Variants in KIF3B observed in about 807,000 individuals in gnomAD.
KIF3B encodes the protein kinesin family member 3B.
In KIF3B, 38 loss-of-function variants were observed where a neutral mutation model predicts 74.3. The observed-to-expected ratio is 0.51, with a 90% confidence interval of 0.39 to 0.67. The LOEUF (loss-of-function observed/expected upper bound fraction) is 0.67. Among genes scored for constraint, KIF3B ranks in the 30% least tolerant of loss-of-function variants. KIF3B has a pLI of 0.00. For missense variants in KIF3B, 649 were observed against 932.0 expected (o/e 0.70, Z 3.95); for synonymous variants, 326 against 342.5 (o/e 0.95, Z 0.53).
chr20:32,330,100 G>A (rs1195501084), intron 7 of KIF3B, 41 bp from the exon 8 acceptor site: 4 of 1,584,872 alleles, frequency 2.5e-6, no homozygotes, highest in East Asian at 2.3e-5. Context: ...CCTGTGTCCA[G>A]TTGGAGGCTA....
At chr20:32,298,800 A>C (rs1002126711) in intron 1 of KIF3B, among the ~76,000 whole-genome samples, 3 of 151,862 alleles carry the variant, frequency 2.0e-5, no homozygotes, top group East Asian at 1.9e-4. Flanking sequence ...GAGTAGCTGT[A>C]GGTAGTAGGC....
At chr20:32,283,002 T>G (rs1162064986) in intron 1 of KIF3B, among the ~76,000 whole-genome samples, 1 of 152,178 alleles carries the variant, frequency 6.6e-6, no homozygotes, top group East Asian at 1.9e-4. Context: ...ACTAATAGTC[T>G]TATCACTGCC....
intron 1 of KIF3B, among the ~76,000 whole-genome samples, chr20:32,285,604 G>A (rs2047664051): frequency 6.6e-6 from 1 of 152,170 alleles, no homozygotes. Context: ...TCTGCTACTT[G>A]CTGTGTGACT....
chr20:32,328,256 T>C (rs933199116), intron 7 of KIF3B, among the ~76,000 whole-genome samples: 2 of 151,990 alleles, frequency 1.3e-5, no homozygotes, highest in African/African-American at 4.8e-5. Context: ...AAACCCCATC[T>C]CTACTAAAAA....
chr20:32,299,905 C>A (rs897152798), intron 1 of KIF3B, among the ~76,000 whole-genome samples: 5 of 151,888 alleles, frequency 3.3e-5, no homozygotes, highest in Non-Finnish European at 5.9e-5. Context: ...CCTCCTGCCT[C>A]AGCCTCCCAA....
intron 1 of KIF3B, among the ~76,000 whole-genome samples, chr20:32,304,392 G>A (rs894483521): frequency 1.3e-5 from 2 of 152,162 alleles, no homozygotes; most frequent in African/African-American, 2.4e-5. Flanking sequence ...TCATTGTTCT[G>A]CATATTTTTT....
intron 1 of KIF3B, among the ~76,000 whole-genome samples, chr20:32,279,194 A>G (rs1187335658): frequency 6.6e-6 from 1 of 152,050 alleles, no homozygotes; most frequent in Admixed American, 6.6e-5. Flanking sequence ...AAGTGCTAGG[A>G]TTACATGCGT....
chr20:32,326,707 C>T, intron 5 of KIF3B, 64 bp from the exon 6 acceptor site: 1 of 721,290 alleles, frequency 1.4e-6, no homozygotes, highest in Non-Finnish European at 2.4e-6. Context: ...ATGCATGAGA[C>T]CAGATAGCTG....
At chr20:32,288,193 T>C (rs1299143592) in intron 1 of KIF3B, among the ~76,000 whole-genome samples, 1 of 151,808 alleles carries the variant, frequency 6.6e-6, no homozygotes, top group Non-Finnish European at 1.5e-5. Context: ...AAAGTATCTT[T>C]AAAAAACAGA....
At chr20:32,295,134 A>G (rs986564847) in intron 1 of KIF3B, among the ~76,000 whole-genome samples, 4 of 152,174 alleles carry the variant, frequency 2.6e-5, no homozygotes, top group Non-Finnish European at 4.4e-5. Context: ...GAGTATTCAC[A>G]TTTAGAGTTT....
chr20:32,296,564 C>T (rs2047718151), intron 1 of KIF3B, among the ~76,000 whole-genome samples: 1 of 151,868 alleles, frequency 6.6e-6, no homozygotes, highest in South Asian at 2.1e-4. Flanking sequence ...CACCACAGCA[C>T]TCCAGCCTGG....
chr20:32,327,361 AAAT>A (rs1446027401), intron 6 of KIF3B, among the ~76,000 whole-genome samples, 192 bp from the exon 7 acceptor site: 14 of 152,198 alleles, frequency 9.2e-5, no homozygotes, highest in African/African-American at 2.9e-4. Context: ...TGATGATTAA[AAAT>A]CTCTTCTGGC....
chr20:32,309,001 C>T (rs1429645553), intron 1 of KIF3B, among the ~76,000 whole-genome samples: 5 of 151,866 alleles, frequency 3.3e-5, no homozygotes, highest in Non-Finnish European at 5.9e-5. Context: ...AGGCATGAGC[C>T]ACCGCGCCCA....
intron 2 of KIF3B, among the ~76,000 whole-genome samples, chr20:32,313,749 C>T (rs1177541269): frequency 1.3e-5 from 2 of 152,022 alleles, no homozygotes; most frequent in African/African-American, 4.8e-5. Flanking sequence ...ACTCTGTCAC[C>T]CAGGTTGGAG....
chr20:32,281,774 G>A (rs1355671834), intron 1 of KIF3B, among the ~76,000 whole-genome samples: 1 of 152,140 alleles, frequency 6.6e-6, no homozygotes, highest in African/African-American at 2.4e-5. Context: ...CTAGGATGGT[G>A]ACGTTTTTGC....
chr20:32,324,054 A>T (rs2047890833), intron 5 of KIF3B, among the ~76,000 whole-genome samples: 1 of 151,812 alleles, frequency 6.6e-6, no homozygotes, highest in African/African-American at 2.4e-5. Context: ...GGCTGCAGTG[A>T]GCCAAGATTA....
At chr20:32,322,790 T>TTATATA (rs1168388598) in intron 5 of KIF3B, among the ~76,000 whole-genome samples, 1 of 62,528 alleles carries the variant, frequency 1.6e-5, no homozygotes, top group Non-Finnish European at 2.6e-5. Context: ...TTATATATAT[T>TTATATA]TATATATATA....
At chr20:32,283,671 G>A (rs1421708825) in intron 1 of KIF3B, among the ~76,000 whole-genome samples, 1 of 151,962 alleles carries the variant, frequency 6.6e-6, no homozygotes, top group Admixed American at 6.6e-5. Flanking sequence ...TTAGTCGGGT[G>A]TGGTGGTGCA....
chr20:32,299,952 T>A (rs2047735457), intron 1 of KIF3B, among the ~76,000 whole-genome samples: 1 of 151,182 alleles, frequency 6.6e-6, no homozygotes, highest in Non-Finnish European at 1.5e-5. Flanking sequence ...CACGCCTGGC[T>A]AATTTTTAAA....
Sources: gnomAD v4.1 joint callset for allele counts (sites outside exome capture counted in the v4.1 genomes callset) on GRCh38, gnomAD v4.1.1 for gene constraint, MANE v1.5 for transcripts, NCBI Gene and HGNC (gene_info 2026-07-23, HGNC 2026-07-21) for gene names.